ROCK2: variants seen among roughly 807,000 people sequenced by gnomAD.
The protein encoded by ROCK2 is Rho associated coiled-coil containing protein kinase 2.
A neutral mutation model predicts 195.1 loss-of-function variants in ROCK2; 61 were observed. The observed-to-expected ratio is 0.31, with a 90% CI of 0.25 to 0.39. The LOEUF (loss-of-function observed/expected upper bound fraction) is 0.39. Among genes scored for constraint, ROCK2 ranks in the 10% least tolerant of loss-of-function variants. The pLI is 1.00. For synonymous variants in ROCK2, 504 were observed against 545.5 expected, an observed-to-expected ratio of 0.92 and a Z score of 1.06; for missense variants, 1,109 against 1,637.4, an observed-to-expected ratio of 0.68 and a Z score of 5.57.
At chr2:11,335,151 A>C (rs1420817683) in intron 1 of ROCK2, among the ~76,000 whole-genome samples, 1 of 147,026 alleles carries the variant, frequency 6.8e-6, no homozygotes, top group African/African-American at 2.5e-5. Flanking sequence ...ACACACACAG[A>C]CACACACACG....
intron 3 of ROCK2, among the ~76,000 whole-genome samples, chr2:11,261,232 T>C (rs1666215438): frequency 6.6e-6 from 1 of 152,180 alleles, no homozygotes; most frequent in South Asian, 2.1e-4. Flanking sequence ...GAGCAAACAT[T>C]AAGAGGCAAT....
At chr2:11,186,357 T>C (rs1271394824) in intron 32 of ROCK2, among the ~76,000 whole-genome samples, 3 of 152,180 alleles carry the variant, frequency 2.0e-5, no homozygotes, top group Non-Finnish European at 4.4e-5. Context: ...TGCATACCCT[T>C]TCAAAACCTT....
chr2:11,328,743 A>C (rs1365853217), intron 1 of ROCK2, among the ~76,000 whole-genome samples: 7 of 152,228 alleles, frequency 4.6e-5, no homozygotes, highest in African/African-American at 1.7e-4. Context: ...AGCCATAAAA[A>C]ATGATGAGCT....
rs1382909350 is a variant in ROCK2, at chr2:11,198,786, AAG to A, written c.2911-14_2911-13del. The A allele has an allele frequency of 2.0e-6, 3 of 1,492,012 alleles. No homozygotes were observed. The highest frequency in any genetic ancestry group is 1.4e-5 in the African/African-American group (1 of 71,266). 92.4% of individuals were successfully genotyped at this position (1,492,012 alleles called of 1,614,324 possible). On this transcript the variant is annotated splice_polypyrimidine_tract_variant and intron_variant, in intron 23 of 32. Coordinates refer to ENST00000315872, the MANE Select transcript of ROCK2 (RefSeq NM_004850.5). ...TTAGTTTCCTCAAGCTAAGAAATGAAAGAGGAAAAAATAATCACATCCCAATT... is the reference window on the plus strand; with the variant it reads ...TTAGTTTCCTCAAGCTAAGAAATGAAAGGAAAAAATAATCACATCCCAATT...
chr2:11,198,728 G>A lies in ROCK2; in HGVS notation c.2957C>T (p.Ala986Val). 3 of 1,609,756 alleles carry A rather than the reference G, an allele frequency of 1.9e-6. No individual in the cohort carries two copies. The highest frequency in any genetic ancestry group is 2.2e-5 in the South Asian group (2 of 89,882). Residue 986 changes from alanine to valine, a missense_variant, in exon 24 of 33, where the codon GCA (alanine) becomes GTA (valine). This residue lies in a region of ROCK2 where 542 missense variants were observed against 672.0 expected (regional missense o/e 0.81). Coordinates refer to ENST00000315872, the MANE Select transcript of ROCK2 (RefSeq NM_004850.5). The stretch of plus-strand genomic sequence containing the variant: ...GTTATTTAATTCTTCTTTCTCATTT[G>A]CAAGATTGGCAACATCACTAGTTAG... ...RTLTSDVANLANEKEELNNKL... is the reference protein window; with the variant it reads ...RTLTSDVANLVNEKEELNNKL...
rs1425998286 is a variant in ROCK2, at chr2:11,192,115, T to TC, written c.4163+32_4163+33insG. ...AATAGCAAAATATTTTAATAGACTTTTTTTTTTTCCTTACCACATTTTAGT... is the reference window on the plus strand; with the variant it reads ...AATAGCAAAATATTTTAATAGACTTTCTTTTTTTTCCTTACCACATTTTAGT... On this transcript the variant is annotated intron_variant, in intron 32 of 32. Transcript: ENST00000315872. The surrounding 1 kb of genome is among the most constrained non-coding windows in gnomAD (Gnocchi z 5.0). 1 of 1,437,722 alleles carries TC rather than the reference T, an allele frequency of 7.0e-7. No homozygotes were observed. Among genetic ancestry groups the TC allele is most frequent in the African/African-American group, 1.4e-5 (1 of 69,546 alleles). The allele number at this position is 1,437,722 out of a possible 1,614,324, so 89.1% of individuals were successfully genotyped here.
At chr2:11,198,401 C>T (rs1663717851) in intron 25 of ROCK2, 90 bp downstream of exon 25, 1 of 907,230 alleles carries the variant, frequency 1.1e-6, no homozygotes, top group Non-Finnish European at 1.8e-6. Flanking sequence ...TCGATGACTA[C>T]TGCTACCAAT....
At chr2:11,309,199 C>T (rs1267938822) in intron 1 of ROCK2, among the ~76,000 whole-genome samples, 1 of 151,482 alleles carries the variant, frequency 6.6e-6, no homozygotes, top group Non-Finnish European at 1.5e-5. Context: ...AAAAAACTAC[C>T]GGCATAGTAT....
chr2:11,235,595 T>G lies in ROCK2; in HGVS notation c.723+107A>C. 3.2e-6 allele frequency: 4 copies of G among 1,245,334 alleles called. No individual in the cohort carries two copies. Among genetic ancestry groups the G allele is most frequent in the Non-Finnish European group, 4.5e-6 (4 of 894,098 alleles). 77.1% of individuals were successfully genotyped at this position (1,245,334 alleles called of 1,614,324 possible). On this transcript the variant is annotated intron_variant, in intron 5 of 32. Transcript: ENST00000315872. This position sits in a 1 kb window ranked among gnomAD's most constrained non-coding sequence, Gnocchi z 4.2. The stretch of plus-strand genomic sequence containing the variant: ...ATCTTGTTTGGGTGCTATACAGTTA[T>G]GAAAACTAAATTTACCTTTGTTCAA...
At chr2:11,296,639 G>A (rs1667546304) in intron 1 of ROCK2, among the ~76,000 whole-genome samples, 1 of 152,140 alleles carries the variant, frequency 6.6e-6, no homozygotes, top group Non-Finnish European at 1.5e-5. Flanking sequence ...AGGATATGGA[G>A]AGTTGGAAGG....
chr2:11,218,567 T>C, intron 10 of ROCK2, 101 bp from the exon 11 acceptor site: 1 of 775,242 alleles, frequency 1.3e-6, no homozygotes, highest in Non-Finnish European at 2.0e-6. Context: ...TCCAACCTAA[T>C]GCTTTAGCTT....
chr2:11,195,377 G>C (rs1295740490), intron 27 of ROCK2, among the ~76,000 whole-genome samples: 1 of 150,566 alleles, frequency 6.6e-6, no homozygotes, highest in Admixed American at 6.6e-5. Flanking sequence ...ACCTGCCTTA[G>C]ACTCCTTTAT....
chr2:11,224,031 GAAC>G (rs1315090173), intron 7 of ROCK2, among the ~76,000 whole-genome samples: 1 of 152,110 alleles, frequency 6.6e-6, no homozygotes. Flanking sequence ...GATAAAATGT[GAAC>G]AACACGAAAG....
At chr2:11,194,631 A>AT (rs1281126518) in intron 28 of ROCK2, among the ~76,000 whole-genome samples, 3 of 152,042 alleles carry the variant, frequency 2.0e-5, no homozygotes, top group Non-Finnish European at 4.4e-5. Context: ...AATAAACATA[A>AT]TAACATCAAT....
At chr2:11,239,859 G>C (rs1238161057) in intron 4 of ROCK2, among the ~76,000 whole-genome samples, 1 of 152,142 alleles carries the variant, frequency 6.6e-6, no homozygotes, top group Non-Finnish European at 1.5e-5. Context: ...CAAATTCAGG[G>C]GTTCCCACAA....
chr2:11,339,935 G>A (rs958335352), intron 1 of ROCK2, among the ~76,000 whole-genome samples: 4 of 152,186 alleles, frequency 2.6e-5, no homozygotes, highest in South Asian at 2.1e-4. Context: ...ATGTTTTTAC[G>A]CTTCGTAACT....
chr2:11,307,960 G>A, intron 1 of ROCK2: 4 of 1,465,724 alleles, frequency 2.7e-6, no homozygotes, highest in African/African-American at 2.9e-5. Context: ...GGCCTGGGAA[G>A]GATGGCGCCC....
At chr2:11,308,041 G>C in intron 1 of ROCK2, 1 of 1,590,364 alleles carries the variant, frequency 6.3e-7, no homozygotes, top group Non-Finnish European at 8.6e-7. Flanking sequence ...GAGGTGACCC[G>C]GAGTCTGCTG....
At chr2:11,341,100 T>G (rs1327865648) in intron 1 of ROCK2, among the ~76,000 whole-genome samples, 1 of 150,348 alleles carries the variant, frequency 6.7e-6, no homozygotes, top group Non-Finnish European at 1.5e-5. Context: ...AAAGAGGCAG[T>G]AGAGAAGCAA....
Sources: allele counts gnomAD v4.1 joint callset (sites outside exome capture counted in the v4.1 genomes callset), GRCh38; gene constraint gnomAD v4.1.1; regional missense constraint gnomAD v4.1.1; non-coding constraint Gnocchi (gnomAD v3.1); transcripts MANE v1.5; gene names NCBI Gene and HGNC (gene_info 2026-07-23, HGNC 2026-07-21).